DPP6: variants seen among roughly 807,000 people sequenced by gnomAD.
The protein encoded by DPP6 is A-type potassium channel modulatory protein DPP6.
DPP6 carries 69 observed loss-of-function variants against 122.6 expected under a neutral mutation model. The ratio of observed to expected loss-of-function variants is 0.56; its 90% confidence interval spans 0.46 to 0.69. The LOEUF is 0.69. Ranked by LOEUF, DPP6 falls within the 30% of genes least tolerant of loss-of-function variation. The probability of loss-of-function intolerance (pLI) is 0.00; values close to 1 mark genes in which losing one functional copy is unlikely to be tolerated. For synonymous variants in DPP6, 418 were observed against 433.1 expected (o/e 0.97, Z 0.43); for missense variants, 928 against 1,116.9 (o/e 0.83, Z 2.41).
intron 1 of DPP6, among the ~76,000 whole-genome samples, chr7:154,120,621 A>T (rs1481101669): frequency 6.6e-6 from 1 of 152,192 alleles, no homozygotes; most frequent in African/African-American, 2.4e-5. Context: ...TTAAAGTAGT[A>T]GAAAATGGTC....
At chr7:154,153,179 G>A (rs1346856423) in intron 1 of DPP6, among the ~76,000 whole-genome samples, 2 of 152,204 alleles carry the variant, frequency 1.3e-5, no homozygotes, top group African/African-American at 4.8e-5. Context: ...TACAAGAGGG[G>A]AGTTGTTACT....
intron 1 of DPP6, among the ~76,000 whole-genome samples, chr7:153,983,832 G>A (rs943184682): frequency 2.0e-5 from 3 of 152,032 alleles, no homozygotes; most frequent in East Asian, 3.9e-4. Flanking sequence ...TCCTGAGTGA[G>A]GTGATGCCCC....
the DPP6 span, among the ~76,000 whole-genome samples, chr7:153,805,387 A>G: frequency 6.6e-6 from 1 of 152,214 alleles, no homozygotes; most frequent in Non-Finnish European, 1.5e-5. Flanking sequence ...CACTCTTAGA[A>G]TGCATCCAAG....
intron 1 of DPP6, among the ~76,000 whole-genome samples, chr7:153,898,144 A>T (rs1799486505): frequency 6.6e-6 from 1 of 152,188 alleles, no homozygotes; most frequent in Non-Finnish European, 1.5e-5. Context: ...CTAATAATTT[A>T]TTGTATATTT....
At chr7:153,771,950 C>T in the DPP6 span, among the ~76,000 whole-genome samples, 1 of 152,082 alleles carries the variant, frequency 6.6e-6, no homozygotes, top group African/African-American at 2.4e-5. Flanking sequence ...CAAAAGATAA[C>T]TGATTTTTTC....
chr7:154,128,996 A>C (rs893643058), intron 1 of DPP6, among the ~76,000 whole-genome samples: 1 of 152,130 alleles, frequency 6.6e-6, no homozygotes, highest in Admixed American at 6.5e-5. Flanking sequence ...TGAGCTTTGC[A>C]TCTTCTCTAC....
chr7:153,919,961 C>T (rs1333745481), intron 1 of DPP6, among the ~76,000 whole-genome samples: 2 of 152,114 alleles, frequency 1.3e-5, no homozygotes, highest in African/African-American at 2.4e-5. Context: ...CAGGAAGTAA[C>T]GTCACTAATA....
intron 5 of DPP6, among the ~76,000 whole-genome samples, chr7:154,627,189 C>CTTTTTT (rs61163075): frequency 3.9e-5 from 4 of 103,446 alleles, no homozygotes; most frequent in Non-Finnish European, 5.6e-5. Context: ...ATTTTTTTTC[C>CTTTTTT]TTTTTTTTTT....
At chr7:154,609,653 A>G (rs1366011012) in intron 5 of DPP6, among the ~76,000 whole-genome samples, 1 of 152,198 alleles carries the variant, frequency 6.6e-6, no homozygotes, top group African/African-American at 2.4e-5. Context: ...ACATTTACAT[A>G]CATGCTCACA....
At position 154,432,990 on chromosome 7, in the gene DPP6, C is replaced by T. The variant is rs570583208; in HGVS notation, c.244-13224C>T. Among the ~76,000 whole-genome samples the T allele has an allele frequency of 2.0e-5, 3 of 152,258 alleles. No individual in the cohort carries two copies. The South Asian group carries it at 6.2e-4, about 32-fold the overall frequency. ...AACTGGTCTATGATGTGCTAATGGA[C>T]AGAATTTTGCATTTGGAAAATTGCC... On this transcript the variant is annotated intron_variant, in intron 1 of 25. Coordinates refer to ENST00000377770, the MANE Select transcript of DPP6 (RefSeq NM_130797.4).
chr7:154,259,541 A>C (rs1275277878), intron 1 of DPP6, among the ~76,000 whole-genome samples: 1 of 152,154 alleles, frequency 6.6e-6, no homozygotes, highest in Non-Finnish European at 1.5e-5. Context: ...AGAGAGGAAG[A>C]GGTAGAGGAC....
chr7:154,892,716 C>G lies in DPP6; in HGVS notation c.*236C>G, dbSNP rs762939564. 1 of 877,312 alleles carries G rather than the reference C, an allele frequency of 1.1e-6. No homozygotes were observed. Among genetic ancestry groups the G allele is most frequent in the Non-Finnish European group, 1.9e-6 (1 of 539,554 alleles). The allele number at this position is 877,312 out of a possible 1,614,324, so 54.3% of individuals were successfully genotyped here. A position where few individuals can be genotyped will look rare whatever the true frequency, so the allele number is the denominator to read the frequency against. On this transcript the variant is annotated 3_prime_UTR_variant, in exon 26 of 26. Coordinates refer to ENST00000377770, the MANE Select transcript of DPP6 (RefSeq NM_130797.4). The stretch of plus-strand genomic sequence containing the variant: ...AACGCTGTCCCCGCAGCAGCGCCTC[C>G]TCCCGGCGCCCGAGAGACCGGCACG...
At chr7:154,255,572 G>A (rs981967336) in intron 1 of DPP6, among the ~76,000 whole-genome samples, 3 of 150,452 alleles carry the variant, frequency 2.0e-5, no homozygotes, top group African/African-American at 5.0e-5. Flanking sequence ...ACGTGGGGGA[G>A]GCCCAGGCGT....
intron 5 of DPP6, among the ~76,000 whole-genome samples, chr7:154,590,346 C>T (rs1171625387): frequency 6.6e-6 from 1 of 151,640 alleles, no homozygotes; most frequent in Non-Finnish European, 1.5e-5. Context: ...TCTTCTGAAA[C>T]TTATTTTTTT....
chr7:154,549,390 A>G (rs1247811815), intron 4 of DPP6, among the ~76,000 whole-genome samples: 2 of 152,342 alleles, frequency 1.3e-5, no homozygotes, highest in South Asian at 2.1e-4. Context: ...GTGCAAGACA[A>G]TCAGTAAAAC....
At chr7:153,799,511 G>C in the DPP6 span, among the ~76,000 whole-genome samples, 1 of 152,042 alleles carries the variant, frequency 6.6e-6, no homozygotes, top group Non-Finnish European at 1.5e-5. Context: ...AGCTTGCACC[G>C]CCTCCATGTA....
At chr7:154,247,336 T>G (rs904320239) in intron 1 of DPP6, among the ~76,000 whole-genome samples, 2 of 152,116 alleles carry the variant, frequency 1.3e-5, no homozygotes, top group Admixed American at 6.6e-5. Context: ...AATCGTCAAG[T>G]AACATATTAG....
the DPP6 span, among the ~76,000 whole-genome samples, chr7:153,839,795 GC>G: frequency 2.0e-5 from 3 of 152,114 alleles, no homozygotes; most frequent in African/African-American, 4.8e-5. Flanking sequence ...GCTGGGAACC[GC>G]CCCCCTGTTT....
chr7:154,404,178 C>T (rs1054374316), intron 1 of DPP6, among the ~76,000 whole-genome samples: 1 of 152,126 alleles, frequency 6.6e-6, no homozygotes, highest in Non-Finnish European at 1.5e-5. Flanking sequence ...AAATCAAAGC[C>T]GCTGTCTAAT....
Sources: gnomAD v4.1 joint callset for allele counts (sites outside exome capture counted in the v4.1 genomes callset) on GRCh38, gnomAD v4.1.1 for gene constraint, MANE v1.5 for transcripts, NCBI Gene and HGNC (gene_info 2026-07-23, HGNC 2026-07-21) for gene names.